The following PATJ variants were observed in gnomAD, a reference collection of about 807,000 sequenced individuals.
PATJ encodes PATJ crumbs cell polarity complex component.
PATJ carries 190 observed loss-of-function variants against 224.9 expected under a neutral mutation model. The observed-to-expected ratio is 0.84, with a 90% CI of 0.75 to 0.95. The LOEUF is 0.95. Ranked by LOEUF, PATJ falls within the 40% of genes least tolerant of loss-of-function variation. PATJ has a pLI of 0.00. For synonymous variants in PATJ, 769 were observed against 820.3 expected (o/e 0.94, Z 1.07); for missense variants, 2,121 against 2,270.3 (o/e 0.93, Z 1.34).
intron 41 of PATJ, among the ~76,000 whole-genome samples, chr1:62,132,226 T>G (rs1163312358): frequency 2.0e-5 from 3 of 152,090 alleles, no homozygotes; most frequent in Non-Finnish European, 4.4e-5. Context: ...TCTTCCACAA[T>G]AAGAAGTGAT....
chr1:62,075,124 A>G (rs1053786402), intron 31 of PATJ, among the ~76,000 whole-genome samples: 1 of 152,246 alleles, frequency 6.6e-6, no homozygotes, highest in Middle Eastern at 3.2e-3. Context: ...CTAAACATCT[A>G]AATTATTCTC....
intron 27 of PATJ, among the ~76,000 whole-genome samples, chr1:61,951,512 A>G (rs1184159833): frequency 6.6e-6 from 1 of 151,492 alleles, no homozygotes; most frequent in Non-Finnish European, 1.5e-5. Flanking sequence ...AGTCACTGTA[A>G]TTGGTTAAAT....
At chr1:61,961,783 A>G (rs1681318174) in intron 27 of PATJ, among the ~76,000 whole-genome samples, 1 of 152,004 alleles carries the variant, frequency 6.6e-6, no homozygotes, top group Non-Finnish European at 1.5e-5. Flanking sequence ...AGCCTGACCA[A>G]CATGGCGAAA....
intron 4 of PATJ, among the ~76,000 whole-genome samples, chr1:61,768,343 G>T (rs952366101): frequency 2.0e-5 from 3 of 151,914 alleles, no homozygotes; most frequent in Non-Finnish European, 4.4e-5. Context: ...GGTGGCTGGC[G>T]CCTGTAGTCC....
rs567657586 is a variant in PATJ at position 61,873,717 on chromosome 1, C to T, written c.2836-1526C>T. Among the ~76,000 whole-genome samples, 4 of 152,332 alleles carry T rather than the reference C, an allele frequency of 2.6e-5. No homozygotes were observed. In the South Asian group the frequency reaches 8.3e-4, roughly 32 times the overall value. ...ATTAGGAAGGGTCCCTGGAGAATCT[C>T]TGACCTCCCCTACAAGTGTTTACAC... is the stretch of plus-strand genomic sequence containing the variant. On this transcript the variant is annotated intron_variant, in intron 20 of 43. Transcript: ENST00000642238.
At chr1:61,971,561 C>T (rs1315310709) in intron 27 of PATJ, among the ~76,000 whole-genome samples, 2 of 152,114 alleles carry the variant, frequency 1.3e-5, no homozygotes, top group Admixed American at 1.3e-4. Flanking sequence ...CTGCAATGAG[C>T]ATGTTCATGC....
rs549167961 is a variant in PATJ, at chr1:61,939,929, C to T, written c.3670+12100C>T. Among the ~76,000 whole-genome samples, 476 of 152,078 alleles carry T rather than the reference C, an allele frequency of 3.1e-3. 2 individuals are homozygous for T. Among genetic ancestry groups the T allele is most frequent in the Non-Finnish European group, 5.1e-3 (344 of 67,992 alleles). ...CCTCAGGTGATCCGCCCGCCTCGGC[C>T]TTCCAAAGTGCTGGGATTACAGGTG... On this transcript the variant is annotated intron_variant, in intron 27 of 43. Coordinates refer to ENST00000642238, the MANE Select transcript of PATJ (RefSeq NM_001350145.3).
chr1:61,752,404 C>G (rs1244450935), intron 1 of PATJ, among the ~76,000 whole-genome samples: 1 of 149,700 alleles, frequency 6.7e-6, no homozygotes, highest in African/African-American at 2.5e-5. Flanking sequence ...ACCTCTGCCT[C>G]CCAGGTTCAA....
intron 41 of PATJ, among the ~76,000 whole-genome samples, chr1:62,134,777 C>G (rs1198517240): frequency 6.6e-6 from 1 of 152,164 alleles, no homozygotes; most frequent in Non-Finnish European, 1.5e-5. Context: ...GTGCCTCGGG[C>G]GCAGGCCTCG....
intron 29 of PATJ, among the ~76,000 whole-genome samples, chr1:62,023,863 G>T (rs1324886238): frequency 1.3e-5 from 2 of 152,122 alleles, no homozygotes; most frequent in East Asian, 3.8e-4. Context: ...TCATTTTGAG[G>T]TGTTCCTTTA....
Position 61,769,253 on chromosome 1 carries a change from T to G in PATJ, c.385-30T>G, listed in dbSNP as rs773034969. The G allele has an allele frequency of 7.7e-5, 123 of 1,594,496 alleles. 2 individuals carry two copies. In the South Asian group the frequency reaches 1.4e-3, roughly 18 times the overall value. On this transcript the variant is annotated intron_variant, in intron 4 of 43. Coordinates refer to ENST00000642238, the MANE Select transcript of PATJ (RefSeq NM_001350145.3). ...AGTATGTTGGCTAAATGTACACCAT[T>G]GACTTTTTTTTTTAACGCTCCTTCA... is the stretch of plus-strand genomic sequence containing the variant.
chr1:61,825,936 A>G (rs1222433598), intron 15 of PATJ, among the ~76,000 whole-genome samples: 5 of 152,180 alleles, frequency 3.3e-5, no homozygotes, highest in Non-Finnish European at 7.3e-5. Flanking sequence ...CTGTGACACC[A>G]GTTGAAATCA....
At chr1:62,057,698 C>G (rs925937201) in intron 31 of PATJ, among the ~76,000 whole-genome samples, 6 of 152,228 alleles carry the variant, frequency 3.9e-5, no homozygotes, top group African/African-American at 1.4e-4. Context: ...AAATAATTGA[C>G]GTTTCTTGCC....
rs190317711 is a variant in PATJ at position 61,979,143 on chromosome 1, G to A, written c.3671-11025G>A. ...GACTGTTCTCTCTCCAATTATTCTA[G>A]TCTGATGTTCATTCAGGGATACTGG... is the stretch of plus-strand genomic sequence containing the variant. On this transcript the variant is annotated intron_variant, in intron 27 of 43. Coordinates refer to ENST00000642238, the MANE Select transcript of PATJ (RefSeq NM_001350145.3). Among the ~76,000 whole-genome samples the A allele has an allele frequency of 8.5e-5, 13 of 152,128 alleles. No homozygotes were observed. In the East Asian group the frequency reaches 1.9e-3, roughly 23 times the overall value.
chr1:61,957,544 T>C (rs1034911651), intron 27 of PATJ, among the ~76,000 whole-genome samples: 7 of 152,222 alleles, frequency 4.6e-5, no homozygotes, highest in Admixed American at 3.3e-4. Context: ...ATCTATAATA[T>C]GATTTATGCA....
At chr1:61,903,458 A>T (rs558629905) in intron 24 of PATJ, among the ~76,000 whole-genome samples, 1 of 152,336 alleles carries the variant, frequency 6.6e-6, no homozygotes, top group South Asian at 2.1e-4. Context: ...TTAGGCTAAG[A>T]TGCCTATTTG....
chr1:61,818,392 C>T (rs528452994), intron 14 of PATJ, among the ~76,000 whole-genome samples: 10 of 152,286 alleles, frequency 6.6e-5, no homozygotes, highest in Admixed American at 1.3e-4. Context: ...AGGCACCAGT[C>T]GTCTGTTTCA....
At chr1:62,148,121 T>TAAA (rs59697245) in intron 41 of PATJ, among the ~76,000 whole-genome samples, 163 bp from the exon 42 acceptor site, 1 of 118,454 alleles carries the variant, frequency 8.4e-6, no homozygotes. Flanking sequence ...ACACTGTCTT[T>TAAA]AAAAAAAAAA....
chr1:61,993,021 G>A (rs561400125), intron 28 of PATJ, among the ~76,000 whole-genome samples: 19 of 152,246 alleles, frequency 1.2e-4, no homozygotes, highest in African/African-American at 3.9e-4. Context: ...ATTCAATTCT[G>A]ACACTAGGTA....
Sources: allele counts gnomAD v4.1 joint callset (sites outside exome capture counted in the v4.1 genomes callset), GRCh38; gene constraint gnomAD v4.1.1; transcripts MANE v1.5; gene names NCBI Gene and HGNC (gene_info 2026-07-23, HGNC 2026-07-21).